The following PVT1 variants were observed in gnomAD, a reference collection of about 807,000 sequenced individuals.
PVT1 encodes CXCR4/PVT1 fusion.
intron 2 of PVT1, among the ~76,000 whole-genome samples, chr8:127,827,114 G>GTC (rs1218908674): frequency 1.3e-5 from 2 of 148,518 alleles, no homozygotes; most frequent in Admixed American, 1.4e-4. Context: ...TCCTGCCTCA[G>GTC]TCTCCCAAGT....
intron 2 of PVT1, among the ~76,000 whole-genome samples, chr8:127,855,495 G>T (rs575828250): frequency 2.3e-4 from 35 of 152,320 alleles, no homozygotes; most frequent in Non-Finnish European, 4.6e-4. Context: ...CTTTGGGGGG[G>T]ACATTTCTGC....
At chr8:127,819,377 T>C (rs1814704617) in intron 2 of PVT1, among the ~76,000 whole-genome samples, 1 of 152,214 alleles carries the variant, frequency 6.6e-6, no homozygotes, top group South Asian at 2.1e-4. Context: ...CTGAGCACTC[T>C]GCATCTGTAT....
chr8:127,830,551 A>C (rs1414849195), intron 2 of PVT1, among the ~76,000 whole-genome samples: 1 of 151,982 alleles, frequency 6.6e-6, no homozygotes, highest in African/African-American at 2.4e-5. Flanking sequence ...TTGCACACGG[A>C]TTGGATATGG....
In PVT1 at chr8:127,942,184, G is replaced by A. The variant is rs561913902; in HGVS notation, n.783-46978G>A. The stretch of plus-strand genomic sequence containing the variant: ...TTTCGCCTGTCAGTTCTGCCAGTTG[G>A]GAAGTGTCATCCCCACTGTGTGAAT... On this transcript the variant is annotated intron_variant and non_coding_transcript_variant, in intron 3 of 10. Transcript: ENST00000651587. Among the ~76,000 whole-genome samples, 9 of 152,266 alleles carry A rather than the reference G, an allele frequency of 5.9e-5. No homozygotes were observed. In the South Asian group the frequency reaches 1.9e-3, roughly 32 times the overall value.
chr8:127,877,137 C>T (rs911772135), intron 2 of PVT1, among the ~76,000 whole-genome samples: 3 of 152,158 alleles, frequency 2.0e-5, no homozygotes, highest in South Asian at 2.1e-4. Flanking sequence ...AACTCCCCAG[C>T]GCCTGAGACA....
chr8:128,090,774 A>G (rs1453535153), intron 5 of PVT1, among the ~76,000 whole-genome samples: 3 of 152,140 alleles, frequency 2.0e-5, no homozygotes, highest in Non-Finnish European at 4.4e-5. Flanking sequence ...ACAGTTGCTG[A>G]GCATAGTTAA....
At chr8:127,872,137 G>A (rs530263109) in intron 2 of PVT1, among the ~76,000 whole-genome samples, 314 of 151,860 alleles carry the variant, frequency 2.1e-3, no homozygotes, top group African/African-American at 7.3e-3. Context: ...AAAAGAGGCC[G>A]GGTGTGGTGG....
chr8:128,041,162 G>T (rs1813528822), intron 4 of PVT1, among the ~76,000 whole-genome samples: 1 of 149,504 alleles, frequency 6.7e-6, no homozygotes. Flanking sequence ...TTGTATGTGT[G>T]TTTCTGCATG....
chr8:127,991,250 C>A (rs1817037109), intron 4 of PVT1, among the ~76,000 whole-genome samples: 1 of 149,696 alleles, frequency 6.7e-6, no homozygotes. Flanking sequence ...TCACGCCATT[C>A]TCCTGCCTCA....
chr8:128,084,928 C>T (rs1290984395), intron 5 of PVT1, among the ~76,000 whole-genome samples: 2 of 152,198 alleles, frequency 1.3e-5, no homozygotes, highest in Non-Finnish European at 2.9e-5. Flanking sequence ...TGCTCCCAGG[C>T]ACCAGACAAG....
intron 2 of PVT1, among the ~76,000 whole-genome samples, chr8:127,824,098 T>C (rs987740278): frequency 3.3e-5 from 5 of 152,096 alleles, no homozygotes; most frequent in Non-Finnish European, 7.3e-5. Context: ...AGAGGATTGC[T>C]CGAGCCCAGG....
intron 3 of PVT1, among the ~76,000 whole-genome samples, chr8:127,895,977 G>A (rs2129813642): frequency 6.6e-6 from 1 of 152,248 alleles, no homozygotes; most frequent in East Asian, 1.9e-4. Flanking sequence ...TTTGTCCTTG[G>A]CCTAAATAAA....
intron 3 of PVT1, among the ~76,000 whole-genome samples, chr8:127,958,094 A>G (rs1356066335): frequency 6.6e-6 from 1 of 152,232 alleles, no homozygotes; most frequent in African/African-American, 2.4e-5. Context: ...AACAGGATGG[A>G]CAGAGTGGTT....
At chr8:128,071,015 ATC>A (rs1431771920) in intron 5 of PVT1, among the ~76,000 whole-genome samples, 1 of 152,148 alleles carries the variant, frequency 6.6e-6, no homozygotes, top group African/African-American at 2.4e-5. Flanking sequence ...CTTCCCCCAC[ATC>A]TGTTTGATTT....
intron 2 of PVT1, among the ~76,000 whole-genome samples, chr8:127,848,220 C>T (rs538429459): frequency 5.0e-4 from 76 of 152,268 alleles, no homozygotes; most frequent in African/African-American, 1.6e-3. Flanking sequence ...GTTCTATTCA[C>T]GCGACTGATA....
intron 5 of PVT1, among the ~76,000 whole-genome samples, chr8:128,081,475 GT>G (rs1814177295): frequency 6.6e-6 from 1 of 152,186 alleles, no homozygotes; most frequent in Non-Finnish European, 1.5e-5. Flanking sequence ...ATAGCTATAT[GT>G]TTTTTGCATT....
chr8:128,075,456 A>G (rs899166546), intron 5 of PVT1, among the ~76,000 whole-genome samples: 1 of 152,154 alleles, frequency 6.6e-6, no homozygotes, highest in Non-Finnish European at 1.5e-5. Context: ...TTTTTAAAAA[A>G]AAATCTTTTA....
rs564360156 is a variant in PVT1, at chr8:127,924,533, A to G, written n.782+33535A>G. ...ATTTTTTTTTTTTTTTTTTTTTGAG[A>G]CAGAGTCTCACTCTGTTGCCCAGGC... On this transcript the variant is annotated intron_variant and non_coding_transcript_variant, in intron 3 of 10. Coordinates refer to ENST00000651587, the Ensembl canonical transcript of PVT1. Among the ~76,000 whole-genome samples the G allele has an allele frequency of 1.5e-4, 19 of 127,710 alleles. No individual in the cohort carries two copies. The East Asian group carries it at 4.1e-3, about 28-fold the overall frequency. The allele number at this position is 127,710 out of a possible 152,430, so 83.8% of individuals were successfully genotyped here.
chr8:127,807,884 C>T (rs1814545188), intron 2 of PVT1, among the ~76,000 whole-genome samples: 2 of 151,992 alleles, frequency 1.3e-5, no homozygotes, highest in African/African-American at 4.8e-5. Flanking sequence ...TCTCCTGCCT[C>T]AGCCTCCCGA....
Sources: allele counts gnomAD v4.1 joint callset (sites outside exome capture counted in the v4.1 genomes callset), GRCh38; gene constraint gnomAD v4.1.1; transcripts MANE v1.5; gene names NCBI Gene and HGNC (gene_info 2026-07-23, HGNC 2026-07-21).